SLC2A3: variants seen among roughly 807,000 people sequenced by gnomAD.
SLC2A3 encodes solute carrier family 2 member 3.
In SLC2A3, 21 loss-of-function variants were observed where a neutral mutation model predicts 46.4. The ratio of observed to expected loss-of-function variants is 0.45; its 90% CI spans 0.32 to 0.65. SLC2A3 has a LOEUF of 0.65. Ranked by LOEUF, SLC2A3 falls within the 30% of genes least tolerant of loss-of-function variation. The probability of loss-of-function intolerance (pLI) is 0.04; values close to 1 mark genes in which losing one functional copy is unlikely to be tolerated. For synonymous variants in SLC2A3, 213 were observed against 239.4 expected (o/e 0.89, Z 1.02); for missense variants, 499 against 623.3 (o/e 0.80, Z 2.12).
intron 5 of SLC2A3, 34 bp downstream of exon 5, chr12:7,930,446 A>T (rs1434102922): frequency 6.3e-7 from 1 of 1,594,072 alleles, no homozygotes. Context: ...CCACAACCAT[A>T]TAATTCATGT....
At chr12:7,924,284 T>G (rs1257969820) in intron 8 of SLC2A3, 126 bp downstream of exon 8, 2 of 1,527,296 alleles carry the variant, frequency 1.3e-6, no homozygotes, top group Admixed American at 4.5e-5. Flanking sequence ...ACTCTGGGCA[T>G]CCTGCTTCTC....
Position 7,921,426 on chromosome 12 carries a change from G to A in SLC2A3, c.1478C>T (p.Thr493Ile), listed in dbSNP as rs754119196. ...MNSIEPAKETTTNV is the reference protein window; with the variant it reads ...MNSIEPAKETITNV ...AGGAGGCACGACTTAGACATTGGTG[G>A]TGGTCTCCTTAGCAGGCTCGATGCT... Residue 493 changes from threonine (T) to isoleucine (I), a missense_variant, in exon 10 of 10, where the codon ACC becomes ATC. Transcript: ENST00000075120. 1.9e-6 allele frequency: 3 copies of A among 1,614,040 alleles called. No homozygotes were observed. Among genetic ancestry groups the A allele is most frequent in the East Asian group, 2.2e-5 (1 of 44,878 alleles).
Position 7,923,021 on chromosome 12 carries a change from T to G in SLC2A3, c.1072A>C (p.Asn358His), listed in dbSNP as rs1946054998. ...CAGACAAAGCTCATCCCATTATAGT[T>G]ATCCTGTAAGAGCAAGGAACAGAGA... is the stretch of plus-strand genomic sequence containing the variant. Reference protein sequence around the residue: ...LMTVSLLLKDNYNGMSFVCIG... With the variant: ...LMTVSLLLKDHYNGMSFVCIG... The change falls in exon 9 of 10, where the codon AAC becomes CAC. Residue 358 changes from asparagine to histidine, a missense_variant. Physicochemically the swap from Asn to His is moderately conservative, Grantham distance 68 (BLOSUM62 1). Transcript: ENST00000075120. The G allele has an allele frequency of 1.2e-6, 2 of 1,612,516 alleles. No individual in the cohort carries two copies. The highest frequency in any genetic ancestry group is 1.7e-6 in the Non-Finnish European group (2 of 1,179,310).
intron 1 of SLC2A3, among the ~76,000 whole-genome samples, chr12:7,934,503 G>A (rs1306901063): frequency 2.0e-5 from 3 of 151,946 alleles, no homozygotes; most frequent in Non-Finnish European, 4.4e-5. Flanking sequence ...TCCCGCGCAG[G>A]GGAAGAAAGT....
At chr12:7,929,224 G>A (rs1407967595) in intron 6 of SLC2A3, among the ~76,000 whole-genome samples, 1 of 152,054 alleles carries the variant, frequency 6.6e-6, no homozygotes, top group Admixed American at 6.6e-5. Flanking sequence ...TATCCATATT[G>A]ACTAGAAGGC....
At chr12:7,923,838 A>G (rs2377238) in intron 8 of SLC2A3, among the ~76,000 whole-genome samples, 122,175 of 149,960 alleles carry the variant, frequency 0.81, 50,152 homozygotes, top group Non-Finnish European at 0.87. Flanking sequence ...GCACCATCTC[A>G]ACTTACCACA....
chr12:7,926,091 G>A lies in SLC2A3; in HGVS notation c.862-143C>T, dbSNP rs1383500652. 3 of 674,776 alleles carry A rather than the reference G, an allele frequency of 4.4e-6. No homozygotes were observed. In the East Asian group the frequency reaches 8.0e-5, roughly 18 times the overall value. The allele number at this position is 674,776 out of a possible 1,614,324, so 41.8% of individuals were successfully genotyped here. On this transcript the variant is annotated intron_variant, in intron 6 of 9. Transcript: ENST00000075120. ...CAATACTAATATCCCTTCTGCAAAT[G>A]AATTATCTTCTGTATCTTATCTCCT... is the stretch of plus-strand genomic sequence containing the variant.
At chr12:7,923,850 C>A (rs1465522578) in intron 8 of SLC2A3, among the ~76,000 whole-genome samples, 1 of 150,244 alleles carries the variant, frequency 6.7e-6, no homozygotes, top group Non-Finnish European at 1.5e-5. Context: ...CTTACCACAA[C>A]CTCTGCCTCC....
chr12:7,929,572 C>A, intron 6 of SLC2A3, 112 bp downstream of exon 6: 1 of 1,467,282 alleles, frequency 6.8e-7, no homozygotes. Flanking sequence ...TCAAGTGATC[C>A]TCTTACCTCA....
In SLC2A3 at chr12:7,933,069, A is replaced by G. The variant is rs1244961947; in HGVS notation, c.187T>C (p.Trp63Arg). Residue 63 changes from tryptophan (W) to arginine (R), a missense_variant, in exon 3 of 10, where the codon TGG (tryptophan) becomes CGG (arginine). By Grantham distance (101) the Trp-to-Arg change is moderately radical. Coordinates refer to ENST00000075120, the MANE Select transcript of SLC2A3 (RefSeq NM_006931.3). ...PPSEVLLTSL[W>R]SLSVAIFSVG... ...GAAAATATGGCCACAGACAAGGACC[A>G]GAGAGACGTGAGCAGCACCTCAGAG... 6.8e-6 allele frequency: 11 copies of G among 1,614,032 alleles called. No homozygotes were observed. Among genetic ancestry groups the G allele is most frequent in the Non-Finnish European group, 9.3e-6 (11 of 1,180,018 alleles).
chr12:7,931,821 GT>G (rs1334645494), intron 3 of SLC2A3, among the ~76,000 whole-genome samples: 1 of 151,444 alleles, frequency 6.6e-6, no homozygotes, highest in Non-Finnish European at 1.5e-5. Flanking sequence ...AGTAAAACAG[GT>G]TGCTTTACCG....
chr12:7,930,963 A>AT (rs778388552), intron 4 of SLC2A3, among the ~76,000 whole-genome samples: 18 of 151,312 alleles, frequency 1.2e-4, no homozygotes, highest in Non-Finnish European at 1.9e-4. Flanking sequence ...CGCCCGACCA[A>AT]TTTTTTGTGT....
chr12:7,936,109 C>T lies in SLC2A3; in HGVS notation c.-75G>A, dbSNP rs1946210119. 7.8e-7 allele frequency: 1 copy of T among 1,280,746 alleles called. No individual in the cohort carries two copies. The highest frequency in any genetic ancestry group is 1.5e-5 in the African/African-American group (1 of 68,218). The allele number at this position is 1,280,746 out of a possible 1,614,324, so 79.3% of individuals were successfully genotyped here. A position where few individuals can be genotyped will look rare whatever the true frequency, so the allele number is the denominator to read the frequency against. ...AAACAGCTTTTTCAGCCAACAAAACCTTCAAAATGTCCTTCTCAGCAGCAA... is the reference window on the plus strand; with the variant it reads ...AAACAGCTTTTTCAGCCAACAAAACTTTCAAAATGTCCTTCTCAGCAGCAA... On this transcript the variant is annotated 5_prime_UTR_variant, in exon 1 of 10. Coordinates refer to ENST00000075120, the MANE Select transcript of SLC2A3 (RefSeq NM_006931.3).
chr12:7,927,819 C>G lies in SLC2A3; in HGVS notation c.861+1865G>C, dbSNP rs745575355. On this transcript the variant is annotated intron_variant, in intron 6 of 9. Transcript: ENST00000075120. ...ACATGCCGGGCGAGGTGGGTCACAC[C>G]TGTAAGGCCGGCACTTTAGGAGAGA... Among the ~76,000 whole-genome samples the G allele has an allele frequency of 2.6e-5, 4 of 152,234 alleles. 1 individual carries two copies. In the East Asian group the frequency reaches 7.7e-4, roughly 29 times the overall value.
chr12:7,926,532 GTTTC>G (rs896092525), intron 6 of SLC2A3, among the ~76,000 whole-genome samples: 6 of 151,974 alleles, frequency 3.9e-5, no homozygotes, highest in Admixed American at 2.6e-4. Context: ...CTACTAACTG[GTTTC>G]TTTTTTATAA....
chr12:7,934,627 T>G (rs943979227), intron 1 of SLC2A3, among the ~76,000 whole-genome samples: 1 of 152,024 alleles, frequency 6.6e-6, no homozygotes, highest in Non-Finnish European at 1.5e-5. Context: ...GCGAGACATT[T>G]TCCATTTCTA....
chr12:7,929,733 A>T lies in SLC2A3; in HGVS notation c.812T>A (p.Ile271Asn), dbSNP rs1441968959. The T allele has an allele frequency of 1.2e-6, 2 of 1,613,418 alleles. No individual in the cohort carries two copies. Among genetic ancestry groups the T allele is most frequent in the Non-Finnish European group, 1.7e-6 (2 of 1,179,640 alleles). The change falls in exon 6 of 10, where the codon ATC becomes AAC. Residue 271 changes from isoleucine (I) to asparagine (N), a missense_variant. Physicochemically the swap from Ile to Asn is moderately radical, Grantham distance 149. Coordinates refer to ENST00000075120, the MANE Select transcript of SLC2A3 (RefSeq NM_006931.3). ...AGAGAGCTGGAGCACAATGGAAATG[A>T]TGATGGGCTGTCGGTAGCTGGACAC... ...FRVSSYRQPI[I>N]ISIVLQLSQQ...
chr12:7,922,800 A>C (rs1946051666), intron 9 of SLC2A3, 21 bp downstream of exon 9: 6 of 1,613,702 alleles, frequency 3.7e-6, no homozygotes, highest in Non-Finnish European at 5.1e-6. Flanking sequence ...GCTGGTTTTA[A>C]GATAAGGTGA....
chr12:7,929,916 C>T (rs976515837), intron 5 of SLC2A3, 45 bp from the exon 6 acceptor site: 1 of 1,612,834 alleles, frequency 6.2e-7, no homozygotes. Context: ...GAATGTGCTG[C>T]CCCAAATTCA....
Sources: gnomAD v4.1 joint callset for allele counts (sites outside exome capture counted in the v4.1 genomes callset) on GRCh38, gnomAD v4.1.1 for gene constraint, MANE v1.5 for transcripts, NCBI Gene and HGNC (gene_info 2026-07-23, HGNC 2026-07-21) for gene names.